Variants in SAMMSON observed in about 807,000 individuals in gnomAD.
The protein encoded by SAMMSON is long intergenic non-protein coding RNA 1212.
At chr3:70,172,369 C>A (rs149326503) in intron 4 of SAMMSON, 1 of 151,498 alleles carries the variant, frequency 6.6e-6, no homozygotes, top group Non-Finnish European at 1.5e-5. Flanking sequence ...CACCTGCATC[C>A]ATGAGAAAGA....
At chr3:70,296,915 G>T (rs1702294870) in intron 7 of SAMMSON, among the ~76,000 whole-genome samples, 1 of 151,428 alleles carries the variant, frequency 6.6e-6, no homozygotes, top group South Asian at 2.1e-4. Context: ...ACTTTCATAT[G>T]GCTAATAAAT....
At chr3:70,230,898 C>A (rs374865564) in intron 4 of SAMMSON, among the ~76,000 whole-genome samples, 9 of 152,188 alleles carry the variant, frequency 5.9e-5, no homozygotes, top group African/African-American at 2.2e-4. Flanking sequence ...AAACCCAGCT[C>A]TGTTGAAAAG....
chr3:70,067,870 T>G (rs1232028985), intron 3 of SAMMSON, among the ~76,000 whole-genome samples: 1 of 152,062 alleles, frequency 6.6e-6, no homozygotes, highest in Non-Finnish European at 1.5e-5. Flanking sequence ...GAGACCTGAT[T>G]TTTTGCCCTG....
chr3:70,364,311 T>C (rs889923134), intron 9 of SAMMSON, among the ~76,000 whole-genome samples: 2 of 151,916 alleles, frequency 1.3e-5, no homozygotes, highest in African/African-American at 4.8e-5. Flanking sequence ...TGTGTGTATT[T>C]GTGCATTTTA....
chr3:70,357,676 G>T (rs536855494), intron 8 of SAMMSON, among the ~76,000 whole-genome samples: 1 of 151,668 alleles, frequency 6.6e-6, no homozygotes, highest in Non-Finnish European at 1.5e-5. Flanking sequence ...GAACAAAACT[G>T]CACATTCTGC....
intron 4 of SAMMSON, among the ~76,000 whole-genome samples, chr3:70,090,324 C>A (rs1468896355): frequency 6.6e-6 from 1 of 152,106 alleles, no homozygotes. Context: ...GGTAGCACAG[C>A]AACTCCAGAA....
chr3:70,384,461 C>G (rs1703104091), intron 9 of SAMMSON, among the ~76,000 whole-genome samples: 1 of 151,930 alleles, frequency 6.6e-6, no homozygotes, highest in Non-Finnish European at 1.5e-5. Flanking sequence ...TGAGGCCAGT[C>G]TTTAGTTGAG....
chr3:70,411,697 T>G (rs1701220707), intron 2 of SAMMSON, among the ~76,000 whole-genome samples: 2 of 152,134 alleles, frequency 1.3e-5, no homozygotes, highest in Non-Finnish European at 2.9e-5. Flanking sequence ...AACTGATGGT[T>G]TTATAAATGG....
At chr3:70,021,712 T>C (rs1268777191) in intron 3 of SAMMSON, among the ~76,000 whole-genome samples, 2 of 152,136 alleles carry the variant, frequency 1.3e-5, no homozygotes, top group South Asian at 4.1e-4. Context: ...TATTTTATTA[T>C]TTTGGGATTG....
intron 7 of SAMMSON, among the ~76,000 whole-genome samples, chr3:70,293,336 G>A (rs1233849461): frequency 6.6e-6 from 1 of 152,084 alleles, no homozygotes; most frequent in Non-Finnish European, 1.5e-5. Flanking sequence ...TTGTATATGT[G>A]TGTCCTTATT....
intron 4 of SAMMSON, among the ~76,000 whole-genome samples, chr3:70,135,010 T>A (rs2106676772): frequency 6.6e-6 from 1 of 152,282 alleles, no homozygotes; most frequent in Middle Eastern, 3.4e-3. Context: ...TTGAATTGAA[T>A]TTGTATTTTT....
intron 7 of SAMMSON, among the ~76,000 whole-genome samples, chr3:70,327,723 A>T (rs1702589555): frequency 6.6e-6 from 1 of 152,216 alleles, no homozygotes; most frequent in Non-Finnish European, 1.5e-5. Flanking sequence ...GCATCCAGTA[A>T]GTCCTCAGAT....
chr3:70,116,848 A>G (rs949652886), intron 4 of SAMMSON, among the ~76,000 whole-genome samples: 10 of 152,226 alleles, frequency 6.6e-5, no homozygotes, highest in Non-Finnish European at 1.0e-4. Context: ...TATTCAATGA[A>G]TAATTTACTT....
chr3:70,276,520 C>T (rs1696658364), intron 6 of SAMMSON, among the ~76,000 whole-genome samples: 1 of 152,116 alleles, frequency 6.6e-6, no homozygotes, highest in African/African-American at 2.4e-5. Flanking sequence ...AATTATGATT[C>T]ATTCCATGTT....
chr3:70,029,184 T>G (rs578176687), intron 3 of SAMMSON, among the ~76,000 whole-genome samples: 40 of 152,314 alleles, frequency 2.6e-4, no homozygotes, highest in African/African-American at 9.6e-4. Flanking sequence ...GTGCATTGGT[T>G]TTTATCAGAA....
intron 3 of SAMMSON, among the ~76,000 whole-genome samples, chr3:70,060,364 G>C (rs1369788875): frequency 4.6e-5 from 7 of 152,050 alleles, no homozygotes; most frequent in African/African-American, 1.7e-4. Flanking sequence ...GAGTCTGGGA[G>C]GCAAAACCTC....
chr3:70,220,771 T>C (rs1701454652), intron 4 of SAMMSON, among the ~76,000 whole-genome samples: 1 of 152,204 alleles, frequency 6.6e-6, no homozygotes, highest in Non-Finnish European at 1.5e-5. Flanking sequence ...CCCACCCTTA[T>C]GAAGATTTCA....
chr3:70,199,826 C>T (rs939753749), intron 4 of SAMMSON, among the ~76,000 whole-genome samples: 4 of 152,154 alleles, frequency 2.6e-5, no homozygotes, highest in Non-Finnish European at 5.9e-5. Flanking sequence ...ATTCGCACCC[C>T]TTCTCTCAGC....
At chr3:70,063,065 C>T (rs1414329040) in intron 3 of SAMMSON, among the ~76,000 whole-genome samples, 2 of 151,880 alleles carry the variant, frequency 1.3e-5, no homozygotes, top group African/African-American at 4.8e-5. Flanking sequence ...TCTGCAGGGA[C>T]CCTCTTCCTT....
Sources: allele counts gnomAD v4.1 joint callset (sites outside exome capture counted in the v4.1 genomes callset), GRCh38; gene constraint gnomAD v4.1.1; transcripts MANE v1.5; gene names NCBI Gene and HGNC (gene_info 2026-07-23, HGNC 2026-07-21).